ARL10: variants seen among roughly 807,000 people sequenced by gnomAD.
ARL10 encodes ADP-ribosylation factor-like protein 10.
Under a neutral mutation model 26.1 loss-of-function variants are expected in ARL10, and 23 were observed. The ratio of observed to expected loss-of-function variants is 0.88; its 90% CI spans 0.63 to 1.25. The LOEUF is 1.25. Among genes scored for constraint, ARL10 ranks in the 50% most tolerant of loss-of-function variants. The pLI, the probability that ARL10 is intolerant of heterozygous loss-of-function variation, is 0.00. For missense variants in ARL10, 300 were observed against 323.6 expected (o/e 0.93, Z 0.56); for synonymous variants, 138 against 149.1 (o/e 0.93, Z 0.54).
At chr5:176,388,892 A>C, downstream of ARL10, 1 of 1,614,164 alleles carries the variant, frequency 6.2e-7, no homozygotes, top group Non-Finnish European at 8.5e-7. Flanking sequence ...TGAGGGGCTG[A>C]GCCCCACTGT....
chr5:176,410,313 G>T, the ARL10 span: 1 of 1,613,180 alleles, frequency 6.2e-7, no homozygotes, highest in Non-Finnish European at 8.5e-7. Flanking sequence ...GCTGGAAAGA[G>T]AACAAGGAGA....
downstream of ARL10, chr5:176,405,953 G>A (rs866390390): frequency 1.9e-5 from 3 of 160,268 alleles, no homozygotes; most frequent in South Asian, 4.0e-4. Flanking sequence ...CTGCTGTTCC[G>A]GTGTGGCAGG....
intron 1 of ARL10, among the ~76,000 whole-genome samples, chr5:176,399,321 C>G (rs1232790988): frequency 1.3e-5 from 2 of 152,206 alleles, no homozygotes; most frequent in Admixed American, 6.5e-5. Context: ...TAGCTCAGAT[C>G]ACACCATGGG....
intron 3 of ARL10, among the ~76,000 whole-genome samples, 170 bp from the exon 4 acceptor site, chr5:176,371,548 CGGGG>C (rs1561774084): frequency 7.3e-5 from 11 of 150,848 alleles, no homozygotes; most frequent in East Asian, 2.0e-4. Flanking sequence ...CTGATATTCC[CGGGG>C]ATAGCCTAAG....
chr5:176,390,075 G>T (rs1265029083), downstream of ARL10, among the ~76,000 whole-genome samples: 4 of 151,258 alleles, frequency 2.6e-5, no homozygotes, highest in African/African-American at 4.9e-5. Flanking sequence ...CCAGCTACTC[G>T]CGAGGCTGAG....
chr5:176,414,532 C>T, the ARL10 span, among the ~76,000 whole-genome samples: 747 of 151,784 alleles, frequency 4.9e-3, 2 homozygotes, highest in Middle Eastern at 0.017. Context: ...ACCTCCCGGG[C>T]TCAAGCTATG....
Position 176,375,901 on chromosome 5 carries a change from T to C in ARL10, c.*4006T>C, listed in dbSNP as rs1279769317. 6.6e-6 allele frequency: 1 copy of C among 152,194 alleles called. No individual in the cohort carries two copies. The highest frequency in any genetic ancestry group is 2.4e-5 in the African/African-American group (1 of 41,446). 9.4% of individuals were successfully genotyped at this position (152,194 alleles called of 1,614,324 possible). A position where few individuals can be genotyped will look rare whatever the true frequency, so the allele number is the denominator to read the frequency against. On this transcript the variant is annotated 3_prime_UTR_variant, in exon 4 of 4. Coordinates refer to ENST00000310389, the MANE Select transcript of ARL10 (RefSeq NM_173664.6). ...CAATCGCTTGGAGCCACATAGGTAG[T>C]TCCCAGGTCCTGAATATGTGGTGCC...
In ARL10 at chr5:176,368,967, G is replaced by T. The variant is rs1190401338; in HGVS notation, c.546G>T (p.Val182=). ...AGGACCCTGACCTGCCTGTCGTCGTGGTGGCCAACAAGCAGGTGAGGGCTG... is the reference window on the plus strand; with the variant it reads ...AGGACCCTGACCTGCCTGTCGTCGTTGTGGCCAACAAGCAGGTGAGGGCTG... The part of the protein sequence containing the change: ...LDKDPDLPVV[V]VANKQDLSEA... Residue 182 remains valine (V), a synonymous_variant, in exon 3 of 4, where the codon GTG becomes GTT. Coordinates refer to ENST00000310389, the MANE Select transcript of ARL10 (RefSeq NM_173664.6). This position sits in a 1 kb window ranked among gnomAD's most constrained non-coding sequence, Gnocchi z 4.1. 2 of 1,613,982 alleles carry T rather than the reference G, an allele frequency of 1.2e-6. No homozygotes were observed. The highest frequency in any genetic ancestry group is 2.2e-5 in the South Asian group (2 of 91,086).
chr5:176,383,896 CA>C (rs1280500765), downstream of ARL10: 1 of 1,372,258 alleles, frequency 7.3e-7, no homozygotes, highest in Admixed American at 2.7e-5. Flanking sequence ...TTCACCGGGG[CA>C]GCCCCAGGGT....
At chr5:176,394,352 G>C (rs541634507) in intron 1 of ARL10, among the ~76,000 whole-genome samples, 12 of 152,304 alleles carry the variant, frequency 7.9e-5, no homozygotes, top group African/African-American at 2.4e-4. Flanking sequence ...GGGTTTTCAC[G>C]AGACCCCCTG....
chr5:176,389,083 A>G, downstream of ARL10: 2 of 1,407,058 alleles, frequency 1.4e-6, no homozygotes, highest in Admixed American at 1.9e-5. Context: ...CGGACTAGAG[A>G]AGAGACGAGG....
downstream of ARL10, chr5:176,388,986 G>C (rs576769278): frequency 1.9e-6 from 3 of 1,613,520 alleles, no homozygotes; most frequent in Non-Finnish European, 2.5e-6. Context: ...AAGTGGGTGC[G>C]GTAGGAACTG....
intron 3 of ARL10, chr5:176,369,240 GT>G (rs753077529): frequency 1.2e-3 from 1,473 of 1,263,826 alleles, no homozygotes; most frequent in Admixed American, 1.7e-3. Context: ...TTTTGTTTTT[GT>G]TTTTTTTTTG....
At chr5:176,404,772 C>T (rs751174251), downstream of ARL10, among the ~76,000 whole-genome samples, 8 of 152,310 alleles carry the variant, frequency 5.3e-5, no homozygotes, top group Non-Finnish European at 1.2e-4. Context: ...AGGTCCCGGG[C>T]TCCGGTGAAC....
chr5:176,396,028 G>A (rs373975853), intron 1 of ARL10, among the ~76,000 whole-genome samples: 92 of 152,192 alleles, frequency 6.0e-4, no homozygotes, highest in Middle Eastern at 3.4e-3. Flanking sequence ...TCAGCTACTC[G>A]GGAGGCTGAG....
At chr5:176,388,191 G>A (rs1756042899) in intron 1 of ARL10, 5 of 1,401,120 alleles carry the variant, frequency 3.6e-6, no homozygotes, top group South Asian at 1.2e-5. Context: ...TATGGCGGGG[G>A]AAGAGTAAAG....
chr5:176,405,291 C>G (rs995959811), downstream of ARL10, among the ~76,000 whole-genome samples: 12 of 151,980 alleles, frequency 7.9e-5, no homozygotes, highest in African/African-American at 2.4e-4. Context: ...GAGCTCGAGA[C>G]CAGCCTGGCC....
intron 2 of ARL10, among the ~76,000 whole-genome samples, chr5:176,367,545 C>G (rs1435130113): frequency 6.6e-6 from 1 of 152,234 alleles, no homozygotes; most frequent in Non-Finnish European, 1.5e-5. Flanking sequence ...GGGCTCCCCA[C>G]CCCCTCACTG....
downstream of ARL10, among the ~76,000 whole-genome samples, chr5:176,393,537 T>G (rs576076789): frequency 3.9e-5 from 6 of 152,224 alleles, no homozygotes; most frequent in Non-Finnish European, 5.9e-5. The surrounding 1 kb of genome is among the most constrained non-coding windows in gnomAD (Gnocchi z 4.4). Context: ...GCCTTTCATG[T>G]GCTGTGTGCG....
Sources: allele counts gnomAD v4.1 joint callset (sites outside exome capture counted in the v4.1 genomes callset), GRCh38; gene constraint gnomAD v4.1.1; non-coding constraint Gnocchi (gnomAD v3.1); transcripts MANE v1.5; gene names NCBI Gene and HGNC (gene_info 2026-07-23, HGNC 2026-07-21).